The following EDA variants were observed in gnomAD, a reference collection of about 807,000 sequenced individuals.
The protein encoded by EDA is ectodysplasin-A.
In EDA, 2 loss-of-function variants were observed where a neutral mutation model predicts 23.6. The observed-to-expected ratio is 0.08, with a 90% CI of 0.03 to 0.27. EDA has a LOEUF of 0.27. EDA is among the 10% of genes least tolerant of loss of function. The pLI is 1.00. For missense variants in EDA, 229 were observed against 324.2 expected (o/e 0.71, Z 2.26); for synonymous variants, 131 against 132.0 (o/e 0.99, Z 0.05).
chrX:69,809,415 A>T (rs945198663), intron 1 of EDA, among the ~76,000 whole-genome samples: 5 of 111,141 alleles, frequency 4.5e-5, no homozygotes, highest in Admixed American at 2.9e-4. Flanking sequence ...CAAGGGGGAA[A>T]TCCACTGCTG....
intron 1 of EDA, among the ~76,000 whole-genome samples, chrX:69,946,344 T>C (rs184126864): frequency 9.0e-6 from 1 of 111,477 alleles, no homozygotes; most frequent in Non-Finnish European, 1.9e-5. Flanking sequence ...TATACTCACA[T>C]TCCTGTGAGC....
At chrX:69,751,398 A>T (rs2013855824) in intron 1 of EDA, among the ~76,000 whole-genome samples, 1 of 112,134 alleles carries the variant, frequency 8.9e-6, no homozygotes, top group Non-Finnish European at 1.9e-5. Context: ...CTGTTTTGGT[A>T]CCAGTACCAT....
chrX:69,925,993 G>A (rs1484782699), intron 1 of EDA, among the ~76,000 whole-genome samples: 1 of 110,220 alleles, frequency 9.1e-6, no homozygotes, highest in African/African-American at 3.3e-5. Flanking sequence ...ATTTCTGTGG[G>A]GTCAGTGGTG....
intron 1 of EDA, among the ~76,000 whole-genome samples, chrX:69,931,889 A>T (rs1447466544): frequency 2.7e-5 from 3 of 112,212 alleles, no homozygotes; most frequent in African/African-American, 9.7e-5. Flanking sequence ...AAAGACTTGC[A>T]CACCAATGTC....
chrX:69,834,733 T>G (rs1451633523), intron 1 of EDA, among the ~76,000 whole-genome samples: 1 of 111,533 alleles, frequency 9.0e-6, no homozygotes, highest in African/African-American at 3.3e-5. Flanking sequence ...AATATTGTTA[T>G]GTGTGAATTT....
chrX:69,946,320 T>G lies in EDA; in HGVS notation c.397-10707T>G, dbSNP rs897438464. ...TCCTCTGAAGTTATTTACTGATCTC[T>G]GAGATTCACTTTCTATACTCACATT... On this transcript the variant is annotated intron_variant, in intron 1 of 7. Transcript: ENST00000374552. 5.4e-5 allele frequency among the ~76,000 whole-genome samples: 6 copies of G among 111,423 alleles called. No individual in the cohort carries two copies. In the Admixed American group the frequency reaches 5.7e-4, roughly 11 times the overall value.
intron 1 of EDA, among the ~76,000 whole-genome samples, chrX:69,640,898 C>T (rs1308203632): frequency 9.0e-6 from 1 of 111,270 alleles, no homozygotes; most frequent in Non-Finnish European, 1.9e-5. Context: ...CACAATTTCC[C>T]TGCAAAGTAG....
At chrX:69,979,359 A>G (rs2019368979) in intron 2 of EDA, among the ~76,000 whole-genome samples, 1 of 112,031 alleles carries the variant, frequency 8.9e-6, no homozygotes, top group East Asian at 2.8e-4. Context: ...GTGAACATTC[A>G]TTTACAAGAT....
rs769904686 is a variant in EDA, at chrX:69,868,187, T to A, written c.397-88840T>A. 9.8e-5 allele frequency among the ~76,000 whole-genome samples: 11 copies of A among 112,086 alleles called. No individual in the cohort carries two copies. In the South Asian group the frequency reaches 4.1e-3, roughly 42 times the overall value. The stretch of plus-strand genomic sequence containing the variant: ...TTCAAGCACCATTGAATCTGCTGGG[T>A]CATATGGTCCAAGTGGCAGAGCAGC... On this transcript the variant is annotated intron_variant, in intron 1 of 7. Coordinates refer to ENST00000374552, the MANE Select transcript of EDA (RefSeq NM_001399.5).
At chrX:70,029,403 G>GA (rs2020167863) in intron 4 of EDA, 101 bp from the exon 5 acceptor site, 1 of 969,633 alleles carries the variant, frequency 1.0e-6, no homozygotes, top group Admixed American at 2.2e-5. Context: ...CTCAGACAGG[G>GA]CTGGCTGCAG....
At chrX:69,747,198 A>G (rs1201491642) in intron 1 of EDA, among the ~76,000 whole-genome samples, 1 of 112,198 alleles carries the variant, frequency 8.9e-6, no homozygotes, top group Non-Finnish European at 1.9e-5. Flanking sequence ...GTAATGATGG[A>G]AAGGATACTC....
At chrX:69,836,863 T>C (rs2016788815) in intron 1 of EDA, among the ~76,000 whole-genome samples, 1 of 111,957 alleles carries the variant, frequency 8.9e-6, no homozygotes, top group Admixed American at 9.5e-5. Context: ...TTGGCCATCT[T>C]GGAATGCCCC....
In EDA at chrX:69,981,044, G is replaced by T. The variant is rs905204846; in HGVS notation, c.502+23912G>T. On this transcript the variant is annotated intron_variant, in intron 2 of 7. Coordinates refer to ENST00000374552, the MANE Select transcript of EDA (RefSeq NM_001399.5). Reference sequence around the variant, plus strand: ...CAAGCATTCCACTGGGGTTGTGGGGGCATCTGCTCACTTTACTGTCTCTTG... The same window carrying T: ...CAAGCATTCCACTGGGGTTGTGGGGTCATCTGCTCACTTTACTGTCTCTTG... Among the ~76,000 whole-genome samples, 22 of 111,667 alleles carry T rather than the reference G, an allele frequency of 2.0e-4. No homozygotes were observed. The Admixed American group carries it at 2.1e-3, about 11-fold the overall frequency.
intron 1 of EDA, among the ~76,000 whole-genome samples, chrX:69,662,139 C>T (rs189281215): frequency 3.7e-4 from 41 of 111,519 alleles, no homozygotes; most frequent in African/African-American, 1.2e-3. Context: ...TCCCTCAAGC[C>T]CCCACCCATA....
chrX:69,922,255 T>C (rs760403954), intron 1 of EDA, among the ~76,000 whole-genome samples: 1 of 112,481 alleles, frequency 8.9e-6, no homozygotes, highest in East Asian at 2.8e-4. Context: ...TGAGTAAGGC[T>C]GCTATAAACA....
intron 1 of EDA, among the ~76,000 whole-genome samples, chrX:69,922,601 GT>G (rs1379075733): frequency 8.9e-6 from 1 of 112,211 alleles, no homozygotes; most frequent in Non-Finnish European, 1.9e-5. Flanking sequence ...TTAAACAATA[GT>G]TTTAGTTTTA....
At chrX:69,719,818 C>T (rs1190188855) in intron 1 of EDA, among the ~76,000 whole-genome samples, 11 of 108,066 alleles carry the variant, frequency 1.0e-4, no homozygotes, top group South Asian at 4.1e-4. Flanking sequence ...GGCATGATTT[C>T]GGCTCACTGC....
intron 1 of EDA, among the ~76,000 whole-genome samples, chrX:69,847,387 A>G (rs1034197904): frequency 9.0e-6 from 1 of 111,159 alleles, no homozygotes; most frequent in Non-Finnish European, 1.9e-5. Flanking sequence ...ATATACATGC[A>G]TATTTATTTA....
intron 3 of EDA, among the ~76,000 whole-genome samples, chrX:70,024,038 A>G (rs149542896): frequency 1.3e-3 from 150 of 112,441 alleles, no homozygotes; most frequent in African/African-American, 4.5e-3. Context: ...GCCAGGCAAT[A>G]TGGTCTACTT....
Sources: gnomAD v4.1 joint callset for allele counts (sites outside exome capture counted in the v4.1 genomes callset) on GRCh38, gnomAD v4.1.1 for gene constraint, MANE v1.5 for transcripts, NCBI Gene and HGNC (gene_info 2026-07-23, HGNC 2026-07-21) for gene names.